The following DAB1 variants were observed in gnomAD, a reference collection of about 807,000 sequenced individuals.
The protein encoded by DAB1 is disabled homolog 1.
A neutral mutation model predicts 64.6 loss-of-function variants in DAB1; 15 were observed. The observed-to-expected ratio is 0.23, with a 90% CI of 0.16 to 0.36. DAB1 has a LOEUF of 0.36. Among genes scored for constraint, DAB1 ranks in the 10% least tolerant of loss-of-function variants. The pLI, the probability that DAB1 is intolerant of heterozygous loss-of-function variation, is 1.00. For synonymous variants in DAB1, 235 were observed against 251.9 expected, an observed-to-expected ratio of 0.93 and a Z score of 0.64; for missense variants, 596 against 706.7, an observed-to-expected ratio of 0.84 and a Z score of 1.78.
At chr1:58,046,812 C>G (rs901604265) in intron 5 of DAB1, among the ~76,000 whole-genome samples, 2 of 152,150 alleles carry the variant, frequency 1.3e-5, no homozygotes, top group Non-Finnish European at 2.9e-5. Flanking sequence ...GCCACTGGTG[C>G]TGGGGATAGA....
intron 1 of DAB1, among the ~76,000 whole-genome samples, chr1:57,398,816 G>T (rs1683017688): frequency 6.6e-6 from 1 of 152,188 alleles, no homozygotes; most frequent in South Asian, 2.1e-4. Flanking sequence ...CTGAAGCTTT[G>T]CAAGGCTTCC....
At chr1:57,789,146 A>T (rs1461171955) in intron 6 of DAB1, among the ~76,000 whole-genome samples, 1 of 152,124 alleles carries the variant, frequency 6.6e-6, no homozygotes, top group Admixed American at 6.5e-5. Flanking sequence ...GCCCCCAGGG[A>T]AAAGGAGAAA....
intron 5 of DAB1, among the ~76,000 whole-genome samples, chr1:58,129,776 G>A (rs1653400454): frequency 6.6e-6 from 1 of 151,958 alleles, no homozygotes; most frequent in African/African-American, 2.4e-5. Flanking sequence ...CTTTGAGTGA[G>A]ATTCTTAATC....
At chr1:58,371,702 C>T (rs911888573) in intron 3 of DAB1, among the ~76,000 whole-genome samples, 25 of 152,274 alleles carry the variant, frequency 1.6e-4, no homozygotes, top group Admixed American at 1.0e-3. Flanking sequence ...CCAGGACCCC[C>T]CTGCTCTGTG....
At chr1:57,760,155 T>C (rs748312692) in intron 6 of DAB1, among the ~76,000 whole-genome samples, 4 of 152,024 alleles carry the variant, frequency 2.6e-5, no homozygotes, top group East Asian at 1.9e-4. Flanking sequence ...AGGGGTGCCA[T>C]GATATTTGAG....
chr1:57,408,835 TTCCCCTGCTCCA>T (rs1221624609), intron 1 of DAB1, among the ~76,000 whole-genome samples: 2 of 152,196 alleles, frequency 1.3e-5, no homozygotes, highest in African/African-American at 4.8e-5. Flanking sequence ...TCCTGGCCCC[TTCCCCTGCTCCA>T]TGGAGTGTTG....
intron 5 of DAB1, among the ~76,000 whole-genome samples, chr1:58,142,536 G>T (rs1654347421): frequency 1.3e-5 from 2 of 152,188 alleles, no homozygotes; most frequent in Admixed American, 1.3e-4. Flanking sequence ...GCCCCCATAA[G>T]AGCCTAAATC....
chr1:57,095,040 C>A (rs1014695820), intron 4 of DAB1, among the ~76,000 whole-genome samples: 1 of 152,156 alleles, frequency 6.6e-6, no homozygotes. Context: ...TTGGCTACTG[C>A]TTCTCAAGAC....
At chr1:58,102,301 G>A (rs1651370145) in intron 5 of DAB1, among the ~76,000 whole-genome samples, 1 of 152,178 alleles carries the variant, frequency 6.6e-6, no homozygotes, top group Non-Finnish European at 1.5e-5. Context: ...GTCTGATGGG[G>A]AGAGGAAAGG....
intron 5 of DAB1, among the ~76,000 whole-genome samples, chr1:58,093,440 C>A (rs991478821): frequency 5.3e-5 from 8 of 151,978 alleles, no homozygotes; most frequent in Non-Finnish European, 1.2e-4. Flanking sequence ...CTGATCTGTG[C>A]CTTCTGTTAG....
intron 3 of DAB1, among the ~76,000 whole-genome samples, chr1:58,375,994 T>C (rs1459736511): frequency 6.7e-6 from 1 of 150,220 alleles, no homozygotes; most frequent in Non-Finnish European, 1.5e-5. Context: ...TATTCTCTGA[T>C]GGTAGTTTGT....
chr1:57,175,361 T>C (rs1235612626), intron 2 of DAB1, among the ~76,000 whole-genome samples: 3 of 151,824 alleles, frequency 2.0e-5, no homozygotes, highest in South Asian at 4.2e-4. Flanking sequence ...GGTTCCAATC[T>C]TCTCTGATAA....
intron 1 of DAB1, chr1:57,867,341 C>T (rs904181137): frequency 2.0e-5 from 3 of 152,140 alleles, no homozygotes; most frequent in Non-Finnish European, 4.4e-5. Context: ...ACTGAAAAGC[C>T]CTTTTAATTG....
At chr1:58,422,986 T>G (rs1276578511) in intron 3 of DAB1, among the ~76,000 whole-genome samples, 1 of 152,154 alleles carries the variant, frequency 6.6e-6, no homozygotes, top group African/African-American at 2.4e-5. Context: ...TTTTATCTTT[T>G]GAGATGCTGC....
At chr1:58,239,624 G>A (rs1348275815) in intron 4 of DAB1, among the ~76,000 whole-genome samples, 2 of 152,030 alleles carry the variant, frequency 1.3e-5, no homozygotes, top group Non-Finnish European at 2.9e-5. Context: ...GATTACCAGG[G>A]GACCCTTTTC....
chr1:58,108,551 G>T (rs1935850), intron 5 of DAB1, among the ~76,000 whole-genome samples: 1 of 152,130 alleles, frequency 6.6e-6, no homozygotes, highest in African/African-American at 2.4e-5. Flanking sequence ...CACAAATGCA[G>T]ATTCCTAAGA....
At chr1:57,251,317 C>T (rs959402633) in intron 2 of DAB1, among the ~76,000 whole-genome samples, 1 of 152,190 alleles carries the variant, frequency 6.6e-6, no homozygotes, top group Non-Finnish European at 1.5e-5. Flanking sequence ...AAAACCCAGT[C>T]ATTATGTTGC....
chr1:58,527,795 T>A (rs923304870), intron 1 of DAB1, among the ~76,000 whole-genome samples: 2 of 152,228 alleles, frequency 1.3e-5, no homozygotes, highest in Middle Eastern at 3.2e-3. Context: ...AGCAGAATGC[T>A]CTTTCTTTGA....
intron 2 of DAB1, among the ~76,000 whole-genome samples, chr1:57,273,596 T>TCCCTCCC (rs1558067365): frequency 1.3e-4 from 15 of 116,816 alleles, no homozygotes; most frequent in Non-Finnish European, 1.9e-4. Flanking sequence ...CCTTCCTTCC[T>TCCCTCCC]TCCTTCCTTC....
Sources: gnomAD v4.1 joint callset for allele counts (sites outside exome capture counted in the v4.1 genomes callset) on GRCh38, gnomAD v4.1.1 for gene constraint, MANE v1.5 for transcripts, NCBI Gene and HGNC (gene_info 2026-07-23, HGNC 2026-07-21) for gene names.